Variants in MRPS6 observed in about 807,000 individuals in gnomAD.
MRPS6 encodes mitochondrial ribosomal protein S6.
MRPS6 carries 6 observed loss-of-function variants against 13.1 expected under a neutral mutation model. The observed-to-expected ratio is 0.46, with a 90% CI of 0.25 to 0.91. The LOEUF (loss-of-function observed/expected upper bound fraction) is 0.91, where lower values mean the gene tolerates loss of function less well. Among genes scored for constraint, MRPS6 ranks in the 40% least tolerant of loss-of-function variants. MRPS6 has a pLI of 0.18. For missense variants in MRPS6, 164 were observed against 155.6 expected, an observed-to-expected ratio of 1.05 and a Z score of -0.29; for synonymous variants, 61 against 56.5, an observed-to-expected ratio of 1.08 and a Z score of -0.36.
At chr21:34,103,039 C>A (rs967805877) in intron 1 of MRPS6, 10 of 999,446 alleles carry the variant, frequency 1.0e-5, no homozygotes, top group African/African-American at 1.7e-5. Flanking sequence ...ATCAACATAG[C>A]CTAGACTTCT....
intron 1 of MRPS6, chr21:34,123,599 A>G (rs1980200254): frequency 6.6e-6 from 1 of 152,004 alleles, no homozygotes. Flanking sequence ...TAGACCATAT[A>G]GTAGTTATCC....
chr21:34,074,607 T>G (rs1989279725), intron 1 of MRPS6, among the ~76,000 whole-genome samples: 1 of 152,154 alleles, frequency 6.6e-6, no homozygotes, highest in African/African-American at 2.4e-5. Context: ...CATGTACTCC[T>G]CAAGTCGTCG....
At chr21:34,119,899 C>T (rs1374668272) in intron 1 of MRPS6, among the ~76,000 whole-genome samples, 1 of 152,160 alleles carries the variant, frequency 6.6e-6, no homozygotes, top group Admixed American at 6.5e-5. Context: ...AGATTCCTTT[C>T]TTCCTTTCAT....
intron 1 of MRPS6, among the ~76,000 whole-genome samples, chr21:34,110,715 A>G (rs572874826): frequency 1.2e-4 from 18 of 152,170 alleles, no homozygotes; most frequent in Non-Finnish European, 2.4e-4. Context: ...GTGTATGGTC[A>G]TGTCATTTTT....
intron 1 of MRPS6, among the ~76,000 whole-genome samples, chr21:34,092,764 T>TC (rs912916330): frequency 5.3e-4 from 81 of 151,868 alleles, no homozygotes; most frequent in African/African-American, 1.9e-3. Context: ...CCACCCTATT[T>TC]CCCCCCCAAC....
chr21:34,098,936 T>C (rs756027088), intron 1 of MRPS6: 106 of 986,546 alleles, frequency 1.1e-4, no homozygotes, highest in Non-Finnish European at 1.2e-4. Flanking sequence ...TTACTAGGCT[T>C]GTATTTAGGG....
chr21:34,101,659 T>C lies in MRPS6; in HGVS notation c.46-23682T>C, dbSNP rs903209370. 3 of 1,000,098 alleles carry C rather than the reference T, an allele frequency of 3.0e-6. No individual in the cohort carries two copies. In the African/African-American group the frequency reaches 5.2e-5, roughly 17 times the overall value. 62.0% of individuals were successfully genotyped at this position (1,000,098 alleles called of 1,614,324 possible). A position where few individuals can be genotyped will look rare whatever the true frequency, so the allele number is the denominator to read the frequency against. ...GATTTTTTTGTCAGCTTAGTTCACT[T>C]TAAGGCATATTGGCATGGTGTGTGA... On this transcript the variant is annotated intron_variant, in intron 1 of 2. Coordinates refer to ENST00000399312, the MANE Select transcript of MRPS6 (RefSeq NM_032476.4).
chr21:34,093,575 G>T (rs998339117), intron 1 of MRPS6, among the ~76,000 whole-genome samples: 1 of 151,728 alleles, frequency 6.6e-6, no homozygotes, highest in African/African-American at 2.4e-5. Context: ...AAAGGAAAAT[G>T]CCTAGAATCA....
At position 34,096,255 on chromosome 21, in the gene MRPS6, C is replaced by T. The variant is rs898496703; in HGVS notation, c.45+22510C>T. The stretch of plus-strand genomic sequence containing the variant: ...TGGTTGCTCCAATATTGCTTACCCA[C>T]GCCTGGTGATGAAGCTGGTTCCTGT... On this transcript the variant is annotated intron_variant, in intron 1 of 2. Transcript: ENST00000399312. The surrounding 1 kb of genome is among the most constrained non-coding windows in gnomAD (Gnocchi z 5.9). 3 of 1,614,090 alleles carry T rather than the reference C, an allele frequency of 1.9e-6. No homozygotes were observed. The highest frequency in any genetic ancestry group is 1.7e-6 in the Non-Finnish European group (2 of 1,180,002).
At chr21:34,131,251 C>T (rs1194156250) in intron 2 of MRPS6, among the ~76,000 whole-genome samples, 1 of 152,172 alleles carries the variant, frequency 6.6e-6, no homozygotes, top group Non-Finnish European at 1.5e-5. Flanking sequence ...AGGAGTTGAT[C>T]GTGAGTCCAC....
At chr21:34,105,690 A>C in intron 1 of MRPS6, 1 of 998,308 alleles carries the variant, frequency 1.0e-6, no homozygotes, top group Non-Finnish European at 1.2e-6. Context: ...TTTTGTTATT[A>C]GTGAGTTTTT....
At chr21:34,075,940 A>G (rs1360866047) in intron 1 of MRPS6, among the ~76,000 whole-genome samples, 1 of 152,240 alleles carries the variant, frequency 6.6e-6, no homozygotes. Flanking sequence ...GAGAAACCAC[A>G]GTTCTAACCC....
At chr21:34,103,150 A>G (rs546410102) in intron 1 of MRPS6, 4 of 1,000,024 alleles carry the variant, frequency 4.0e-6, no homozygotes, top group East Asian at 2.3e-4. Context: ...GGCAAAGGCC[A>G]GTATATATGG....
intron 2 of MRPS6, among the ~76,000 whole-genome samples, chr21:34,136,408 A>G (rs1039458443): frequency 1.3e-5 from 2 of 152,202 alleles, no homozygotes; most frequent in African/African-American, 4.8e-5. Flanking sequence ...TCGGCCTCCC[A>G]AAGTGCTGGG....
chr21:34,096,467 A>T lies in MRPS6; in HGVS notation c.45+22722A>T. 1.2e-6 allele frequency: 2 copies of T among 1,614,220 alleles called. No homozygotes were observed. Among genetic ancestry groups the T allele is most frequent in the Non-Finnish European group, 1.7e-6 (2 of 1,180,026 alleles). On this transcript the variant is annotated intron_variant, in intron 1 of 2. Coordinates refer to ENST00000399312, the MANE Select transcript of MRPS6 (RefSeq NM_032476.4). The surrounding 1 kb of genome is among the most constrained non-coding windows in gnomAD (Gnocchi z 5.9). ...TGGCATTTATGGTGGTGATCAGCAT[A>T]GCATGGGTGCCAATCATCGTGGAGA...
At chr21:34,097,962 G>A in intron 1 of MRPS6, 1 of 995,676 alleles carries the variant, frequency 1.0e-6, no homozygotes, top group Non-Finnish European at 1.2e-6. Context: ...CCAGTATATG[G>A]AATGTTAGGG....
In MRPS6 at chr21:34,097,231, T is replaced by A. The variant is rs781226805; in HGVS notation, c.45+23486T>A. ...AGCAAGAGGAGTCTCAGAGACCTGA[T>A]GGAAGAGGAGGCTGTTTGTTTACAG... On this transcript the variant is annotated intron_variant, in intron 1 of 2. Coordinates refer to ENST00000399312, the MANE Select transcript of MRPS6 (RefSeq NM_032476.4). 1 of 1,614,060 alleles carries A rather than the reference T, an allele frequency of 6.2e-7. No individual in the cohort carries two copies.
chr21:34,117,758 C>G, intron 1 of MRPS6, among the ~76,000 whole-genome samples: 1 of 152,176 alleles, frequency 6.6e-6, no homozygotes, highest in Non-Finnish European at 1.5e-5. Context: ...TTTGCCCTTT[C>G]ACTCCACATG....
intron 1 of MRPS6, among the ~76,000 whole-genome samples, chr21:34,116,583 C>G (rs1979920754): frequency 7.6e-6 from 1 of 131,058 alleles, no homozygotes; most frequent in East Asian, 2.3e-4. Context: ...TGCTTAAATT[C>G]CTAGAATGCT....
Sources: allele counts gnomAD v4.1 joint callset (sites outside exome capture counted in the v4.1 genomes callset), GRCh38; gene constraint gnomAD v4.1.1; non-coding constraint Gnocchi (gnomAD v3.1); transcripts MANE v1.5; gene names NCBI Gene and HGNC (gene_info 2026-07-23, HGNC 2026-07-21).